BAALC: variants seen among roughly 807,000 people sequenced by gnomAD.
The protein encoded by BAALC is brain and acute leukemia cytoplasmic protein.
A neutral mutation model predicts 15.5 loss-of-function variants in BAALC; 9 were observed. The ratio of observed to expected loss-of-function variants is 0.58; its 90% CI spans 0.35 to 1.02. The LOEUF (loss-of-function observed/expected upper bound fraction) is 1.02. Ranked by LOEUF, BAALC falls within the 50% of genes least tolerant of loss-of-function variation. The pLI, the probability that BAALC is intolerant of heterozygous loss-of-function variation, is 0.02. For missense variants in BAALC, 201 were observed against 192.4 expected (o/e 1.04, Z -0.27); for synonymous variants, 80 against 74.6 (o/e 1.07, Z -0.37).
At chr8:103,201,812 A>C (rs1812224377) in intron 1 of BAALC, among the ~76,000 whole-genome samples, 1 of 152,234 alleles carries the variant, frequency 6.6e-6, no homozygotes, top group Non-Finnish European at 1.5e-5. Context: ...AGTAGGTACC[A>C]AATAAATAGT....
At chr8:103,144,981 G>C (rs1308235511) in intron 1 of BAALC, among the ~76,000 whole-genome samples, 1 of 152,214 alleles carries the variant, frequency 6.6e-6, no homozygotes, top group African/African-American at 2.4e-5. Flanking sequence ...AATGAGGCTG[G>C]AAGTCTGCAA....
At chr8:103,164,147 GCTTTGTGAGCA>G (rs1811290422) in intron 1 of BAALC, among the ~76,000 whole-genome samples, 2 of 152,194 alleles carry the variant, frequency 1.3e-5, no homozygotes, top group Non-Finnish European at 2.9e-5. Context: ...AGCAGGAGCT[GCTTTGTGAGCA>G]TTAGGGGATA....
chr8:103,171,446 AAAGT>A lies in BAALC; in HGVS notation c.160+30393_160+30396del, dbSNP rs1481015851. Among the ~76,000 whole-genome samples, 584 of 151,956 alleles carry A rather than the reference AAAGT, an allele frequency of 3.8e-3. 1 individual carries two copies. The highest frequency in any genetic ancestry group is 0.012 in the African/African-American group (500 of 41,372). ...AATGAAAATAAAAAGAAAGAGAAAGAAAGTAAGAAAGAAAGAAAAGAAAAGAAAG... is the reference window on the plus strand; with the variant it reads ...AATGAAAATAAAAAGAAAGAGAAAGAAAGAAAGAAAGAAAAGAAAAGAAAG... On this transcript the variant is annotated intron_variant, in intron 1 of 2. Coordinates refer to ENST00000309982, the MANE Select transcript of BAALC (RefSeq NM_024812.3).
intron 1 of BAALC, among the ~76,000 whole-genome samples, chr8:103,180,591 C>T (rs1028766419): frequency 6.6e-5 from 10 of 152,172 alleles, no homozygotes; most frequent in African/African-American, 1.2e-4. Context: ...TTCCTCGTGA[C>T]TCACCAGGGA....
intron 1 of BAALC, among the ~76,000 whole-genome samples, chr8:103,150,036 TCA>T (rs1315328161): frequency 6.6e-6 from 1 of 152,184 alleles, no homozygotes; most frequent in South Asian, 2.1e-4. Context: ...TTTAATGGAC[TCA>T]CAGTTCCATG....
chr8:103,161,174 A>G (rs980822310), intron 1 of BAALC, among the ~76,000 whole-genome samples: 1 of 152,204 alleles, frequency 6.6e-6, no homozygotes, highest in Non-Finnish European at 1.5e-5. Context: ...AGACAAATCT[A>G]TAAAATAAGC....
intron 1 of BAALC, among the ~76,000 whole-genome samples, chr8:103,182,544 T>TC (rs1052550738): frequency 2.6e-5 from 4 of 152,374 alleles, no homozygotes; most frequent in African/African-American, 7.2e-5. Context: ...CTTCATGACT[T>TC]CTGGAATCCA....
intron 1 of BAALC, among the ~76,000 whole-genome samples, chr8:103,174,171 C>T (rs929898868): frequency 5.3e-5 from 8 of 151,806 alleles, no homozygotes; most frequent in East Asian, 1.9e-4. Context: ...TCCATTCTGC[C>T]GGCCTCCCCC....
At chr8:103,197,005 C>T (rs1012383692) in intron 1 of BAALC, among the ~76,000 whole-genome samples, 4 of 152,158 alleles carry the variant, frequency 2.6e-5, no homozygotes, top group African/African-American at 7.2e-5. Context: ...TCAGTGTGAC[C>T]TACTTAATTC....
intron 1 of BAALC, among the ~76,000 whole-genome samples, chr8:103,179,880 G>T (rs142121066): frequency 8.7e-4 from 133 of 152,362 alleles, no homozygotes; most frequent in African/African-American, 3.0e-3. Context: ...TAGAGTCTCA[G>T]GGATAAGCCC....
intron 1 of BAALC, among the ~76,000 whole-genome samples, chr8:103,190,653 C>T (rs1008419600): frequency 6.6e-6 from 1 of 152,112 alleles, no homozygotes; most frequent in African/African-American, 2.4e-5. Flanking sequence ...GAGTGTTGAA[C>T]ATTATTTCCT....
intron 2 of BAALC, among the ~76,000 whole-genome samples, chr8:103,218,780 TTCTC>T (rs1812616019): frequency 6.6e-6 from 1 of 152,112 alleles, no homozygotes; most frequent in Non-Finnish European, 1.5e-5. Flanking sequence ...CTAAGGAGTT[TTCTC>T]CCGCTCCTCC....
chr8:103,179,941 G>A (rs909915677), intron 1 of BAALC, among the ~76,000 whole-genome samples: 1 of 152,218 alleles, frequency 6.6e-6, no homozygotes, highest in African/African-American at 2.4e-5. Flanking sequence ...TCAAAGAGAG[G>A]TGGTTGTACT....
At chr8:103,162,221 G>C (rs10112046) in intron 1 of BAALC, among the ~76,000 whole-genome samples, 1 of 151,800 alleles carries the variant, frequency 6.6e-6, no homozygotes, top group Non-Finnish European at 1.5e-5. Flanking sequence ...CTTGGCCTCC[G>C]GAAGTGTTGG....
intron 1 of BAALC, among the ~76,000 whole-genome samples, chr8:103,166,808 A>T (rs771303676): frequency 6.6e-6 from 1 of 152,214 alleles, no homozygotes; most frequent in Admixed American, 6.5e-5. Flanking sequence ...TTCTTTGTGT[A>T]TAATGCTAAA....
chr8:103,192,402 T>A lies in BAALC; in HGVS notation c.161-20517T>A, dbSNP rs574336812. 2.0e-5 allele frequency among the ~76,000 whole-genome samples: 3 copies of A among 152,356 alleles called. No individual in the cohort carries two copies. In the South Asian group the frequency reaches 6.2e-4, roughly 32 times the overall value. On this transcript the variant is annotated intron_variant, in intron 1 of 2. Coordinates refer to ENST00000309982, the MANE Select transcript of BAALC (RefSeq NM_024812.3). ...TATGTAGTGAGTAGGTTGTCAAACA[T>A]AATCCTGTTCATCCTGACTGTGTCC...
intron 1 of BAALC, among the ~76,000 whole-genome samples, chr8:103,207,159 A>C (rs2130049391): frequency 6.6e-6 from 1 of 152,286 alleles, no homozygotes; most frequent in South Asian, 2.1e-4. Context: ...AAGGACATAC[A>C]GCTCTGTTGA....
intron 2 of BAALC, among the ~76,000 whole-genome samples, chr8:103,222,857 G>A (rs773852232): frequency 1.3e-5 from 2 of 152,100 alleles, no homozygotes; most frequent in East Asian, 1.9e-4. Flanking sequence ...AGTAGTCATC[G>A]TTTCAGTATA....
intron 2 of BAALC, among the ~76,000 whole-genome samples, chr8:103,225,583 C>G (rs902473937): frequency 8.5e-5 from 13 of 152,148 alleles, no homozygotes; most frequent in Admixed American, 3.9e-4. Flanking sequence ...GTCAGCGGAA[C>G]AGCTGTAGTC....
Sources: gnomAD v4.1 joint callset for allele counts (sites outside exome capture counted in the v4.1 genomes callset) on GRCh38, gnomAD v4.1.1 for gene constraint, MANE v1.5 for transcripts, NCBI Gene and HGNC (gene_info 2026-07-23, HGNC 2026-07-21) for gene names.